ELMO1: variants seen among roughly 807,000 people sequenced by gnomAD.
ELMO1 encodes the protein engulfment and cell motility 1.
ELMO1 carries 26 observed loss-of-function variants against 98.9 expected under a neutral mutation model. The ratio of observed to expected loss-of-function variants is 0.26; its 90% CI spans 0.19 to 0.36. ELMO1 has a LOEUF of 0.36. Ranked by LOEUF, ELMO1 falls within the 10% of genes least tolerant of loss-of-function variation. The pLI, the probability that ELMO1 is intolerant of heterozygous loss-of-function variation, is 1.00. For synonymous variants in ELMO1, 346 were observed against 346.0 expected (o/e 1.00, Z 0.00); for missense variants, 627 against 935.2 (o/e 0.67, Z 4.30).
At chr7:37,271,980 A>G in intron 4 of ELMO1, 98 bp from the exon 5 acceptor site, 2 of 987,508 alleles carry the variant, frequency 2.0e-6, no homozygotes, top group Middle Eastern at 3.1e-4. Flanking sequence ...ACAGGCATTC[A>G]GTTTATTCTC....
At chr7:37,007,916 T>C (rs974266791) in intron 16 of ELMO1, among the ~76,000 whole-genome samples, 2 of 152,198 alleles carry the variant, frequency 1.3e-5, no homozygotes, top group Non-Finnish European at 2.9e-5. Context: ...GCTGCAGCTT[T>C]GTTTAATGGG....
chr7:36,905,648 T>G (rs1384797471), intron 16 of ELMO1, among the ~76,000 whole-genome samples: 1 of 152,244 alleles, frequency 6.6e-6, no homozygotes. Flanking sequence ...ACTCAACTCA[T>G]TGGTATGGCC....
At chr7:37,372,163 C>G (rs1409518733) in intron 1 of ELMO1, among the ~76,000 whole-genome samples, 3 of 151,810 alleles carry the variant, frequency 2.0e-5, no homozygotes, top group African/African-American at 7.3e-5. Context: ...TTCCAAAACT[C>G]TAATTTATTA....
intron 7 of ELMO1, among the ~76,000 whole-genome samples, chr7:37,238,073 T>C (rs1794573801): frequency 6.6e-6 from 1 of 152,188 alleles, no homozygotes; most frequent in Non-Finnish European, 1.5e-5. Flanking sequence ...AAAAAATAAC[T>C]GATATTGCAC....
intron 15 of ELMO1, among the ~76,000 whole-genome samples, chr7:37,065,099 C>T (rs1390528425): frequency 1.3e-5 from 2 of 152,048 alleles, no homozygotes; most frequent in African/African-American, 4.8e-5. Context: ...AATGAAAACC[C>T]AGCCAGGGTT....
intron 15 of ELMO1, among the ~76,000 whole-genome samples, chr7:37,029,779 C>A (rs184368655): frequency 2.6e-5 from 4 of 152,000 alleles, no homozygotes; most frequent in African/African-American, 4.8e-5. Context: ...TTTTTTTATT[C>A]CTGGGCCACT....
chr7:37,411,719 T>C (rs151247882), intron 1 of ELMO1, among the ~76,000 whole-genome samples: 268 of 152,316 alleles, frequency 1.8e-3, no homozygotes, highest in African/African-American at 6.0e-3. Flanking sequence ...TATTTTTTCC[T>C]GATCTGGTTC....
rs528676779 is a variant in ELMO1, at chr7:37,334,373, G to T, written c.78+8240C>A. Among the ~76,000 whole-genome samples the T allele has an allele frequency of 2.0e-5, 3 of 152,254 alleles. No individual in the cohort carries two copies. In the East Asian group the frequency reaches 5.8e-4, roughly 29 times the overall value. On this transcript the variant is annotated intron_variant, in intron 2 of 21. Coordinates refer to ENST00000310758, the MANE Select transcript of ELMO1 (RefSeq NM_014800.11). The stretch of plus-strand genomic sequence containing the variant: ...AGGCAGGAGAATCGCTTGAACCTGG[G>T]AGACGGAGGTTGCAGTGAGCCAGGA...
chr7:37,395,474 A>G (rs1803259196), intron 1 of ELMO1, among the ~76,000 whole-genome samples: 1 of 151,778 alleles, frequency 6.6e-6, no homozygotes, highest in Admixed American at 6.6e-5. Context: ...GAATTGGGGC[A>G]GCCCATCATT....
chr7:36,959,204 C>CA (rs1294043171), intron 16 of ELMO1, among the ~76,000 whole-genome samples: 1 of 152,118 alleles, frequency 6.6e-6, no homozygotes, highest in Non-Finnish European at 1.5e-5. Flanking sequence ...CTAACCCCTC[C>CA]ACCTTAGTCT....
At chr7:37,294,779 C>T (rs970240577) in intron 4 of ELMO1, among the ~76,000 whole-genome samples, 7 of 152,134 alleles carry the variant, frequency 4.6e-5, no homozygotes, top group African/African-American at 1.2e-4. Context: ...GCAGGTGGAT[C>T]GCCTGAGGTC....
chr7:36,937,555 G>C (rs890067107), intron 16 of ELMO1, among the ~76,000 whole-genome samples: 1 of 152,154 alleles, frequency 6.6e-6, no homozygotes, highest in Non-Finnish European at 1.5e-5. Context: ...GTAGTACTTT[G>C]TTACAGCAGC....
At chr7:37,047,118 C>G (rs575201704) in intron 15 of ELMO1, among the ~76,000 whole-genome samples, 3 of 152,190 alleles carry the variant, frequency 2.0e-5, no homozygotes, top group African/African-American at 4.8e-5. Context: ...AAGAGCTGAA[C>G]CAAAATGAAT....
chr7:37,298,103 G>C (rs1798140633), intron 4 of ELMO1, among the ~76,000 whole-genome samples: 2 of 152,012 alleles, frequency 1.3e-5, no homozygotes, highest in Admixed American at 6.6e-5. Flanking sequence ...CAGAGCAGCA[G>C]ACACTGAAAA....
chr7:37,253,777 T>A (rs1795490513), intron 6 of ELMO1, among the ~76,000 whole-genome samples: 2 of 150,002 alleles, frequency 1.3e-5, no homozygotes. Context: ...GGGCAAGTCA[T>A]CTCTGAATCT....
intron 6 of ELMO1, among the ~76,000 whole-genome samples, chr7:37,247,481 C>T (rs1451253521): frequency 3.3e-5 from 5 of 152,108 alleles, no homozygotes; most frequent in Non-Finnish European, 7.4e-5. Context: ...TGCTTTCTGC[C>T]TCAGCTCCTC....
intron 16 of ELMO1, chr7:36,919,530 G>A (rs1386656044): frequency 5.1e-6 from 2 of 394,780 alleles, no homozygotes; most frequent in Non-Finnish European, 1.1e-5. Flanking sequence ...TCTGTAAAAT[G>A]GGATAATGGC....
At chr7:37,417,534 G>T (rs528403906) in intron 1 of ELMO1, among the ~76,000 whole-genome samples, 1 of 152,074 alleles carries the variant, frequency 6.6e-6, no homozygotes, top group Admixed American at 6.6e-5. Flanking sequence ...CATGGTGGTG[G>T]GCGCTTGTAG....
intron 16 of ELMO1, among the ~76,000 whole-genome samples, chr7:36,948,211 C>A (rs754115390): frequency 3.3e-5 from 5 of 151,720 alleles, no homozygotes; most frequent in Non-Finnish European, 5.9e-5. Flanking sequence ...TTCTTAAAAT[C>A]ATTTAGAGGG....
Sources: gnomAD v4.1 joint callset for allele counts (sites outside exome capture counted in the v4.1 genomes callset) on GRCh38, gnomAD v4.1.1 for gene constraint, MANE v1.5 for transcripts, NCBI Gene and HGNC (gene_info 2026-07-23, HGNC 2026-07-21) for gene names.